Variants in CEP83 observed in about 807,000 individuals in gnomAD.
CEP83 encodes centrosomal protein of 83 kDa.
In CEP83, 70 loss-of-function variants were observed where a neutral mutation model predicts 101.9. The observed-to-expected ratio is 0.69, with a 90% CI of 0.57 to 0.84. The LOEUF (loss-of-function observed/expected upper bound fraction) is 0.84. Ranked by LOEUF, CEP83 falls within the 40% of genes least tolerant of loss-of-function variation. The pLI, the probability that CEP83 is intolerant of heterozygous loss-of-function variation, is 0.00. For synonymous variants in CEP83, 264 were observed against 267.9 expected (o/e 0.99, Z 0.14); for missense variants, 715 against 787.2 (o/e 0.91, Z 1.10).
At chr12:94,367,717 G>T in intron 11 of CEP83, 77 bp downstream of exon 11, 2 of 990,338 alleles carry the variant, frequency 2.0e-6, no homozygotes, top group Non-Finnish European at 2.9e-6. Flanking sequence ...GGAATTCTTT[G>T]TACTAGTTGT....
intron 14 of CEP83, among the ~76,000 whole-genome samples, chr12:94,330,550 TAA>T (rs2059156006): frequency 6.6e-6 from 1 of 152,178 alleles, no homozygotes; most frequent in Admixed American, 6.5e-5. Flanking sequence ...AGGTAAAACT[TAA>T]AAAGGATCAC....
intron 11 of CEP83, among the ~76,000 whole-genome samples, chr12:94,337,610 A>C (rs886675062): frequency 7.2e-5 from 11 of 152,208 alleles, no homozygotes; most frequent in African/African-American, 2.7e-4. Flanking sequence ...TGTCACAGTA[A>C]GTCAAAAGAA....
chr12:94,405,784 G>A (rs1428460694), intron 4 of CEP83, among the ~76,000 whole-genome samples: 1 of 152,178 alleles, frequency 6.6e-6, no homozygotes, highest in African/African-American at 2.4e-5. Flanking sequence ...GGGACTCCCT[G>A]AGTTGAGGAG....
chr12:94,309,060 T>A, intron 16 of CEP83, 143 bp from the exon 17 acceptor site: 1 of 589,592 alleles, frequency 1.7e-6, no homozygotes, highest in African/African-American at 1.9e-5. Flanking sequence ...AACAGTAGCA[T>A]GGGCTAAACT....
chr12:94,426,817 G>A (rs183594910), intron 2 of CEP83, among the ~76,000 whole-genome samples: 2 of 152,204 alleles, frequency 1.3e-5, no homozygotes, highest in East Asian at 1.9e-4. Flanking sequence ...ATGTGACCAC[G>A]GAGACAGAGA....
intron 4 of CEP83, among the ~76,000 whole-genome samples, chr12:94,403,998 CTGAA>C (rs1282260862): frequency 1.9e-4 from 29 of 152,018 alleles, no homozygotes; most frequent in African/African-American, 6.5e-4. Flanking sequence ...TTACATTTTA[CTGAA>C]TGGAGAGCTT....
At chr12:94,357,066 C>CTCGGTTACAGCTATAAAA (rs1426885323) in intron 11 of CEP83, among the ~76,000 whole-genome samples, 1 of 152,184 alleles carries the variant, frequency 6.6e-6, no homozygotes, top group East Asian at 1.9e-4. Flanking sequence ...GATTTTATAG[C>CTCGGTTACAGCTATAAAA]TCGGTTACAG....
At chr12:94,356,959 T>C (rs540142660) in intron 11 of CEP83, among the ~76,000 whole-genome samples, 106 of 152,096 alleles carry the variant, frequency 7.0e-4, no homozygotes, top group Admixed American at 2.3e-3. Flanking sequence ...AACTTAGAGG[T>C]GTGCACATTA....
intron 14 of CEP83, among the ~76,000 whole-genome samples, chr12:94,321,071 TTTCTA>T (rs2058724723): frequency 6.6e-6 from 1 of 152,198 alleles, no homozygotes; most frequent in African/African-American, 2.4e-5. Flanking sequence ...TGTTCATTCT[TTTCTA>T]TTCTTCTTTT....
At chr12:94,442,687 T>G (rs943719782) in intron 1 of CEP83, among the ~76,000 whole-genome samples, 51 of 152,200 alleles carry the variant, frequency 3.4e-4, no homozygotes, top group African/African-American at 9.6e-4. Flanking sequence ...TAGTAATAGG[T>G]GAGGAAAAGT....
At chr12:94,457,540 T>A (rs2067776204) in intron 1 of CEP83, among the ~76,000 whole-genome samples, 1 of 152,230 alleles carries the variant, frequency 6.6e-6, no homozygotes, top group Admixed American at 6.5e-5. Flanking sequence ...ATACGAGTCA[T>A]TCTTGATTTG....
intron 7 of CEP83, among the ~76,000 whole-genome samples, chr12:94,376,690 T>TACACACACACACAC (rs533315599): frequency 7.7e-5 from 9 of 117,390 alleles, no homozygotes; most frequent in South Asian, 3.0e-4. Flanking sequence ...TATACATATA[T>TACACACACACACAC]ACACACACAC....
At chr12:94,371,739 G>A (rs923913133) in intron 8 of CEP83, among the ~76,000 whole-genome samples, 5 of 152,058 alleles carry the variant, frequency 3.3e-5, no homozygotes, top group African/African-American at 1.2e-4. Flanking sequence ...GAGCCAAAGA[G>A]GGCAAGGATA....
Position 94,440,515 on chromosome 12 carries a change from A to C in CEP83, c.-154-5188T>G, listed in dbSNP as rs189040694. Reference sequence around the variant, plus strand: ...AAAAGACCTCTACAAGGAAAACTACAAAAAAAAAAAGCTGAAAGAAATCAC... The same window carrying C: ...AAAAGACCTCTACAAGGAAAACTACCAAAAAAAAAAGCTGAAAGAAATCAC... On this transcript the variant is annotated intron_variant, in intron 1 of 16. Transcript: ENST00000397809. Among the ~76,000 whole-genome samples the C allele has an allele frequency of 5.0e-4, 71 of 140,798 alleles. 1 individual carries two copies. In the East Asian group the frequency reaches 0.015, roughly 29 times the overall value. The allele number at this position is 140,798 out of a possible 152,430, so 92.4% of individuals were successfully genotyped here.
Position 94,418,573 on chromosome 12 carries a change from C to G in CEP83, c.-101-5982G>C, listed in dbSNP as rs562926205. On this transcript the variant is annotated intron_variant, in intron 2 of 16. Transcript: ENST00000397809. ...ACAAAAAATACCTACCATTCCTGTG[C>G]TTGGTGTATGATTCCATTTATATGA... Among the ~76,000 whole-genome samples, 6 of 152,172 alleles carry G rather than the reference C, an allele frequency of 3.9e-5. No homozygotes were observed. The South Asian group carries it at 1.0e-3, about 26-fold the overall frequency.
chr12:94,413,835 C>T (rs1036702281), intron 2 of CEP83, among the ~76,000 whole-genome samples: 5 of 124,500 alleles, frequency 4.0e-5, no homozygotes, highest in African/African-American at 1.1e-4. Flanking sequence ...TACACACACA[C>T]ACACACACAC....
At chr12:94,291,781 T>C in the CEP83 span, among the ~76,000 whole-genome samples, 3 of 152,222 alleles carry the variant, frequency 2.0e-5, no homozygotes, top group Non-Finnish European at 4.4e-5. Flanking sequence ...TCTTTTTAGA[T>C]TCGTGGGTAC....
At chr12:94,305,249 C>T (rs778540549), downstream of CEP83, 1 of 1,611,034 alleles carries the variant, frequency 6.2e-7, no homozygotes, top group Non-Finnish European at 8.5e-7. Context: ...ATGTAAAAGT[C>T]TTATTTGATG....
intron 6 of CEP83, among the ~76,000 whole-genome samples, chr12:94,398,020 G>A (rs1424250649): frequency 6.6e-6 from 1 of 152,136 alleles, no homozygotes; most frequent in Non-Finnish European, 1.5e-5. Context: ...CTCAGGTATA[G>A]GGCATATAGA....
Sources: gnomAD v4.1 joint callset for allele counts (sites outside exome capture counted in the v4.1 genomes callset) on GRCh38, gnomAD v4.1.1 for gene constraint, MANE v1.5 for transcripts, NCBI Gene and HGNC (gene_info 2026-07-23, HGNC 2026-07-21) for gene names.